DSCAM: variants seen among roughly 807,000 people sequenced by gnomAD.
DSCAM encodes the protein DS cell adhesion molecule, also known as cell adhesion molecule DSCAM.
DSCAM carries 47 observed loss-of-function variants against 217.7 expected under a neutral mutation model. The ratio of observed to expected loss-of-function variants is 0.22; its 90% CI spans 0.17 to 0.28. The LOEUF is 0.28. DSCAM is among the 10% of genes least tolerant of loss of function. The pLI, the probability that DSCAM is intolerant of heterozygous loss-of-function variation, is 1.00. For missense variants in DSCAM, 2,080 were observed against 2,618.3 expected, an observed-to-expected ratio of 0.79 and a Z score of 4.49; for synonymous variants, 1,056 against 1,015.3, an observed-to-expected ratio of 1.04 and a Z score of -0.76.
At chr21:40,690,395 G>GTC (rs1218225472) in intron 3 of DSCAM, among the ~76,000 whole-genome samples, 1 of 152,184 alleles carries the variant, frequency 6.6e-6, no homozygotes, top group Non-Finnish European at 1.5e-5. Context: ...CTGATATGAA[G>GTC]TCTCTCTCTC....
At chr21:40,291,537 T>C (rs2073892096) in intron 10 of DSCAM, among the ~76,000 whole-genome samples, 1 of 152,162 alleles carries the variant, frequency 6.6e-6, no homozygotes, top group Non-Finnish European at 1.5e-5. Context: ...CTGCCACAGC[T>C]GTAATGTCCT....
intron 8 of DSCAM, among the ~76,000 whole-genome samples, chr21:40,318,920 T>G (rs935729260): frequency 6.6e-6 from 1 of 152,156 alleles, no homozygotes; most frequent in African/African-American, 2.4e-5. Context: ...TGGGGAATTC[T>G]TTGGCCCTGC....
chr21:40,428,072 T>C (rs998930026), intron 3 of DSCAM, among the ~76,000 whole-genome samples: 3 of 152,202 alleles, frequency 2.0e-5, no homozygotes, highest in Non-Finnish European at 4.4e-5. Context: ...TCTGATCTAC[T>C]ATGAAGGGGA....
At chr21:40,519,369 G>T (rs189781764) in intron 3 of DSCAM, among the ~76,000 whole-genome samples, 5 of 152,252 alleles carry the variant, frequency 3.3e-5, no homozygotes, top group Admixed American at 2.6e-4. Context: ...CTGAATTATT[G>T]TATCTGCCCA....
In DSCAM at chr21:40,686,914, A is replaced by G. The variant is rs374724818; in HGVS notation, c.508+5896T>C. Among the ~76,000 whole-genome samples the G allele has an allele frequency of 2.1e-4, 32 of 152,354 alleles. No homozygotes were observed. In the East Asian group the frequency reaches 5.4e-3, roughly 26 times the overall value. ...TAGACTTAAATGGAAAAAGTATAACATAATTAATGATTTTTAAAAAGAAAG... is the reference window on the plus strand; with the variant it reads ...TAGACTTAAATGGAAAAAGTATAACGTAATTAATGATTTTTAAAAAGAAAG... On this transcript the variant is annotated intron_variant, in intron 3 of 32. Coordinates refer to ENST00000400454, the MANE Select transcript of DSCAM (RefSeq NM_001389.5).
intron 9 of DSCAM, among the ~76,000 whole-genome samples, chr21:40,306,081 ATGTTCTTCC>A (rs2074072104): frequency 2.0e-5 from 3 of 151,744 alleles, no homozygotes. Context: ...TGAGCATGGA[ATGTTCTTCC>A]ATTTGTTTGT....
At position 40,780,423 on chromosome 21, in the gene DSCAM, G is replaced by GTATATATATATATATATA. The variant is rs71186965; in HGVS notation, c.43+66178_43+66195dup. On this transcript the variant is annotated intron_variant, in intron 1 of 32. Transcript: ENST00000400454. ...CGTGTGTGTGTGTGTGTGTGTGTGT[G>GTATATATATATATATATA]TATATATATATATATATATATATAT... 8.0e-3 allele frequency among the ~76,000 whole-genome samples: 450 copies of GTATATATATATATATATA among 56,218 alleles called. 7 individuals carry two copies. Among genetic ancestry groups the GTATATATATATATATATA allele is most frequent in the African/African-American group, 0.025 (327 of 12,926 alleles). The allele number at this position is 56,218 out of a possible 152,430, so 36.9% of individuals were successfully genotyped here.
chr21:40,706,430 T>C (rs1355867935), intron 2 of DSCAM, among the ~76,000 whole-genome samples: 1 of 152,118 alleles, frequency 6.6e-6, no homozygotes, highest in East Asian at 1.9e-4. Flanking sequence ...TGAGTAAACC[T>C]TCCTTCAATT....
intron 3 of DSCAM, among the ~76,000 whole-genome samples, chr21:40,459,491 T>C (rs560253801): frequency 3.9e-5 from 6 of 152,260 alleles, no homozygotes; most frequent in Non-Finnish European, 5.9e-5. Context: ...ATAGGTTGCC[T>C]AAGTATGTAC....
At chr21:40,441,271 C>T (rs539128457) in intron 3 of DSCAM, among the ~76,000 whole-genome samples, 1 of 152,114 alleles carries the variant, frequency 6.6e-6, no homozygotes, top group Non-Finnish European at 1.5e-5. Flanking sequence ...ATTTAGCCCC[C>T]TGAAATTCAC....
In DSCAM at chr21:40,144,935, G is replaced by A. The variant is rs186183087; in HGVS notation, c.3019-204C>T. ...CCTTCCTTTACCTGTGAATGCATCC[G>A]GCCCTCCCAGCCCCTCTGAGCCACT... is the stretch of plus-strand genomic sequence containing the variant. On this transcript the variant is annotated intron_variant, in intron 16 of 32. Coordinates refer to ENST00000400454, the MANE Select transcript of DSCAM (RefSeq NM_001389.5). The surrounding 1 kb of genome is among the most constrained non-coding windows in gnomAD (Gnocchi z 4.8). Among the ~76,000 whole-genome samples, 278 of 152,206 alleles carry A rather than the reference G, an allele frequency of 1.8e-3. 1 individual carries two copies. The highest frequency in any genetic ancestry group is 6.2e-3 in the African/African-American group (259 of 41,538).
intron 20 of DSCAM, among the ~76,000 whole-genome samples, chr21:40,107,624 G>A (rs777943542): frequency 1.3e-5 from 2 of 152,070 alleles, no homozygotes; most frequent in Non-Finnish European, 2.9e-5. Context: ...CACTGTTATT[G>A]GGTGGGAGTC....
intron 11 of DSCAM, among the ~76,000 whole-genome samples, chr21:40,248,301 C>T (rs907904205): frequency 3.3e-5 from 5 of 152,332 alleles, no homozygotes; most frequent in Admixed American, 3.3e-4. Flanking sequence ...TTTTCTATCA[C>T]ATTGTCAGGC....
chr21:40,389,140 C>T (rs957477525), intron 3 of DSCAM, among the ~76,000 whole-genome samples: 1 of 152,110 alleles, frequency 6.6e-6, no homozygotes, highest in Non-Finnish European at 1.5e-5. Flanking sequence ...GGGTTTTCTC[C>T]AATGTACATT....
At chr21:40,339,716 T>C (rs2074468318) in intron 6 of DSCAM, among the ~76,000 whole-genome samples, 1 of 39,452 alleles carries the variant, frequency 2.5e-5, no homozygotes, top group Non-Finnish European at 7.5e-5. Context: ...AAGTCCTTAA[T>C]TTAAAACTGG....
At chr21:40,720,112 A>T (rs1427675278) in intron 1 of DSCAM, among the ~76,000 whole-genome samples, 2 of 152,184 alleles carry the variant, frequency 1.3e-5, no homozygotes, top group African/African-American at 2.4e-5. Flanking sequence ...GAACTAAAAC[A>T]GGCTATCGAA....
At chr21:40,512,008 AAAG>A (rs2076262453) in intron 3 of DSCAM, among the ~76,000 whole-genome samples, 3 of 150,046 alleles carry the variant, frequency 2.0e-5, no homozygotes, top group African/African-American at 4.9e-5. Context: ...AAAAAAAAAA[AAAG>A]TATTCTATTT....
At chr21:40,686,217 A>ACACACACCCTC (rs1555880555) in intron 3 of DSCAM, among the ~76,000 whole-genome samples, 1,606 of 146,800 alleles carry the variant, frequency 0.011, 37 homozygotes, top group African/African-American at 0.037. Flanking sequence ...CCACACACAC[A>ACACACACCCTC]CACACACACA....
At chr21:40,611,183 C>T (rs925815920) in intron 3 of DSCAM, among the ~76,000 whole-genome samples, 13 of 151,438 alleles carry the variant, frequency 8.6e-5, no homozygotes, top group East Asian at 2.0e-4. Flanking sequence ...CTCAGCCTCC[C>T]GGGTAGCTGG....
Sources: allele counts gnomAD v4.1 joint callset (sites outside exome capture counted in the v4.1 genomes callset), GRCh38; gene constraint gnomAD v4.1.1; non-coding constraint Gnocchi (gnomAD v3.1); transcripts MANE v1.5; gene names NCBI Gene and HGNC (gene_info 2026-07-23, HGNC 2026-07-21).